Variants in IL21R observed in about 807,000 individuals in gnomAD.
The protein encoded by IL21R is interleukin-21 receptor.
A neutral mutation model predicts 41.3 loss-of-function variants in IL21R; 14 were observed. The ratio of observed to expected loss-of-function variants is 0.34; its 90% CI spans 0.22 to 0.53. The LOEUF (loss-of-function observed/expected upper bound fraction) is 0.53. Ranked by LOEUF, IL21R falls within the 20% of genes least tolerant of loss-of-function variation. IL21R has a pLI of 0.94. For missense variants in IL21R, 588 were observed against 681.6 expected (o/e 0.86, Z 1.53); for synonymous variants, 286 against 287.6 (o/e 0.99, Z 0.05).
chr16:27,405,513 G>GT (rs1013545375), intron 1 of IL21R, among the ~76,000 whole-genome samples: 15 of 151,954 alleles, frequency 9.9e-5, no homozygotes, highest in Non-Finnish European at 2.2e-4. Flanking sequence ...CAGGGTGGGG[G>GT]TTTTTCTAGG....
intron 1 of IL21R, among the ~76,000 whole-genome samples, chr16:27,416,068 C>T (rs1194361223): frequency 2.0e-5 from 3 of 152,036 alleles, no homozygotes; most frequent in African/African-American, 7.2e-5. Context: ...TATTTTAATT[C>T]TGCATATAGT....
At chr16:27,440,248 T>TATATATATATATATATATATATATAG (rs1352160946) in intron 4 of IL21R, among the ~76,000 whole-genome samples, 3 of 64,030 alleles carry the variant, frequency 4.7e-5, no homozygotes, top group African/African-American at 8.8e-5. Context: ...TATATATATA[T>TATATATATATATATATATATATATAG]AGAGAGAGAG....
At chr16:27,438,950 G>GTGTGTGTA (rs1331267119) in intron 4 of IL21R, among the ~76,000 whole-genome samples, 1 of 152,064 alleles carries the variant, frequency 6.6e-6, no homozygotes, top group Non-Finnish European at 1.5e-5. Flanking sequence ...GTGTGTGTGT[G>GTGTGTGTA]TGTGTATGTG....
rs1430356457 is a variant in IL21R, at chr16:27,449,475, T to C, written c.*192T>C. The C allele has an allele frequency of 1.6e-6, 1 of 620,990 alleles. No homozygotes were observed. Among genetic ancestry groups the C allele is most frequent in the East Asian group, 2.8e-5 (1 of 35,902 alleles). The allele number at this position is 620,990 out of a possible 1,614,324, so 38.5% of individuals were successfully genotyped here. On this transcript the variant is annotated 3_prime_UTR_variant, in exon 9 of 9. Coordinates refer to ENST00000337929, the MANE Select transcript of IL21R (RefSeq NM_181078.3). ...GCATATGCATGTGTGTGTGTGTGTG[T>C]GTCTTAGGTGCGCAGTGGCATGTCC...
intron 1 of IL21R, among the ~76,000 whole-genome samples, chr16:27,411,654 G>T (rs919506889): frequency 1.3e-5 from 2 of 151,652 alleles, no homozygotes; most frequent in African/African-American, 4.8e-5. Context: ...AGTAGAGATG[G>T]GATTTCGCCA....
In IL21R at chr16:27,425,913, G is replaced by A. The variant is rs149318488; in HGVS notation, c.-16-4143G>A. Among the ~76,000 whole-genome samples, 496 of 152,250 alleles carry A rather than the reference G, an allele frequency of 3.3e-3. 2 individuals carry two copies. The highest frequency in any genetic ancestry group is 0.011 in the African/African-American group (471 of 41,532). Reference sequence around the variant, plus strand: ...CATCTCCAGTTTCTAGGACTCTCAGGCAGGCAGTAGCATGTCACTAAAATT... The same window carrying A: ...CATCTCCAGTTTCTAGGACTCTCAGACAGGCAGTAGCATGTCACTAAAATT... On this transcript the variant is annotated intron_variant, in intron 1 of 8. Transcript: ENST00000337929.
At chr16:27,417,819 T>C (rs890525194) in intron 1 of IL21R, among the ~76,000 whole-genome samples, 2 of 152,162 alleles carry the variant, frequency 1.3e-5, no homozygotes, top group African/African-American at 4.8e-5. Flanking sequence ...GCACTTACCA[T>C]GAATGCAGTT....
At chr16:27,432,087 C>T (rs987515704) in intron 2 of IL21R, among the ~76,000 whole-genome samples, 2 of 152,208 alleles carry the variant, frequency 1.3e-5, no homozygotes, top group African/African-American at 2.4e-5. Context: ...GGGGCTCTGC[C>T]CCCATGACTT....
chr16:27,448,483 C>A, intron 8 of IL21R, 51 bp from the exon 9 acceptor site: 1 of 1,514,448 alleles, frequency 6.6e-7, no homozygotes, highest in Non-Finnish European at 8.9e-7. Flanking sequence ...AAAATAAACC[C>A]TCACCTTACC....
Position 27,445,233 on chromosome 16 carries a change from T to G in IL21R, c.742T>G (p.Phe248Val). 2 of 1,614,094 alleles carry G rather than the reference T, an allele frequency of 1.2e-6. No homozygotes were observed. The highest frequency in any genetic ancestry group is 1.7e-6 in the Non-Finnish European group (2 of 1,179,976). Reference protein sequence around the residue: ...LLLLLLLVIVFIPAFWSLKTH... With the variant: ...LLLLLLLVIVVIPAFWSLKTH... ...GCTTCTCCTCCTGCTTGTCATAGTCTTCATTCCTGCCTTCTGGAGCCTGAA... is the reference window on the plus strand; with the variant it reads ...GCTTCTCCTCCTGCTTGTCATAGTCGTCATTCCTGCCTTCTGGAGCCTGAA... Residue 248 changes from phenylalanine to valine, a missense_variant, in exon 7 of 9, where the codon TTC becomes GTC. Coordinates refer to ENST00000337929, the MANE Select transcript of IL21R (RefSeq NM_181078.3).
Position 27,434,493 on chromosome 16 carries a change from G to A in IL21R, c.152+44G>A, listed in dbSNP as rs746710926. ...CCAGTCCCCGGGGATGCAATTCAGG[G>A]TGCCTGCTCAGTGATTCCCCCAGGA... is the stretch of plus-strand genomic sequence containing the variant. On this transcript the variant is annotated intron_variant, in intron 3 of 8. Transcript: ENST00000337929. 4 of 1,282,856 alleles carry A rather than the reference G, an allele frequency of 3.1e-6. No individual in the cohort carries two copies. The East Asian group carries it at 7.1e-5, about 23-fold the overall frequency. 79.5% of individuals were successfully genotyped at this position (1,282,856 alleles called of 1,614,324 possible).
intron 2 of IL21R, among the ~76,000 whole-genome samples, chr16:27,433,245 T>C (rs2087205920): frequency 6.6e-6 from 1 of 152,178 alleles, no homozygotes; most frequent in African/African-American, 2.4e-5. Flanking sequence ...GGCAGGTGGA[T>C]CGCTTGAGCT....
At chr16:27,432,214 A>G (rs2087186734) in intron 2 of IL21R, among the ~76,000 whole-genome samples, 2 of 152,204 alleles carry the variant, frequency 1.3e-5, no homozygotes, top group African/African-American at 4.8e-5. Context: ...CTATCTGTGG[A>G]GTGATAGCCA....
At chr16:27,408,650 G>A (rs1395154183) in intron 1 of IL21R, among the ~76,000 whole-genome samples, 5 of 152,254 alleles carry the variant, frequency 3.3e-5, no homozygotes, top group East Asian at 1.9e-4. Flanking sequence ...AAGTCCCTCC[G>A]CCTTAACACT....
rs2086689203 is a variant in IL21R at position 27,403,277 on chromosome 16, G to T, written c.-17+659G>T. ...GGAGGAGAGGAGGGTGGGGAGGTCA[G>T]TGGAGGCTGAGCCTTGAAGGATGGG... On this transcript the variant is annotated intron_variant, in intron 1 of 8. Transcript: ENST00000337929. 2.3e-6 allele frequency: 3 copies of T among 1,313,388 alleles called. No homozygotes were observed. In the South Asian group the frequency reaches 3.7e-5, roughly 16 times the overall value. 81.4% of individuals were successfully genotyped at this position (1,313,388 alleles called of 1,614,324 possible). A position where few individuals can be genotyped will look rare whatever the true frequency, so the allele number is the denominator to read the frequency against.
intron 1 of IL21R, among the ~76,000 whole-genome samples, chr16:27,404,471 A>C (rs1252492530): frequency 6.6e-6 from 1 of 152,118 alleles, no homozygotes; most frequent in East Asian, 1.9e-4. Context: ...ATTCAAGAGA[A>C]AGCCAGCCAC....
chr16:27,445,981 G>T (rs202174944), intron 7 of IL21R, 26 bp from the exon 8 acceptor site: 31 of 1,595,610 alleles, frequency 1.9e-5, no homozygotes, highest in Non-Finnish European at 2.5e-5. Flanking sequence ...TGATGTCAGG[G>T]TCCTCACCCC....
At chr16:27,431,059 G>C (rs1596582921) in intron 2 of IL21R, among the ~76,000 whole-genome samples, 1 of 152,184 alleles carries the variant, frequency 6.6e-6, no homozygotes, top group Admixed American at 6.5e-5. Context: ...GCTTCCTGGA[G>C]GAGGGGGCCA....
intron 3 of IL21R, among the ~76,000 whole-genome samples, chr16:27,437,217 T>C (rs2087286057): frequency 6.6e-6 from 1 of 152,154 alleles, no homozygotes; most frequent in African/African-American, 2.4e-5. Flanking sequence ...TTTCCAAAAT[T>C]GAGAGCTGCT....
Sources: gnomAD v4.1 joint callset for allele counts (sites outside exome capture counted in the v4.1 genomes callset) on GRCh38, gnomAD v4.1.1 for gene constraint, MANE v1.5 for transcripts, NCBI Gene and HGNC (gene_info 2026-07-23, HGNC 2026-07-21) for gene names.